AZIN2: variants seen among roughly 807,000 people sequenced by gnomAD.
AZIN2 encodes the protein antizyme inhibitor 2, also known as ODC antizyme inhibitor-2.
A neutral mutation model predicts 47.8 loss-of-function variants in AZIN2; 28 were observed. That is an observed-to-expected ratio of 0.59 (90% CI 0.43 to 0.80). The LOEUF is 0.80. AZIN2 is among the 30% of genes least tolerant of loss of function. AZIN2 has a pLI of 0.00. For missense variants in AZIN2, 535 were observed against 582.5 expected, an observed-to-expected ratio of 0.92 and a Z score of 0.84; for synonymous variants, 221 against 239.4, an observed-to-expected ratio of 0.92 and a Z score of 0.71.
chr1:33,140,771 C>G, the AZIN2 span, among the ~76,000 whole-genome samples: 1 of 152,206 alleles, frequency 6.6e-6, no homozygotes, highest in Non-Finnish European at 1.5e-5. The surrounding 1 kb of genome is among the most constrained non-coding windows in gnomAD (Gnocchi z 4.0). Flanking sequence ...TGAAGTGGCT[C>G]TGCCCTGGAG....
At chr1:33,157,827 G>C in the AZIN2 span, among the ~76,000 whole-genome samples, 1 of 151,840 alleles carries the variant, frequency 6.6e-6, no homozygotes, top group Admixed American at 6.6e-5. Flanking sequence ...CTCAGTCTCA[G>C]CTCACTGCAA....
intron 5 of AZIN2, 89 bp downstream of exon 5, chr1:33,084,216 G>C (rs1247727601): frequency 6.6e-6 from 10 of 1,515,962 alleles, no homozygotes; most frequent in Non-Finnish European, 9.0e-6. Context: ...TGGGGAGCAA[G>C]AGGTACCTGT....
At chr1:33,155,387 C>T in the AZIN2 span, among the ~76,000 whole-genome samples, 2 of 152,044 alleles carry the variant, frequency 1.3e-5, no homozygotes, top group Admixed American at 6.5e-5. Flanking sequence ...GACTCTTGAA[C>T]GTGCCTTGAG....
At position 33,120,049 on chromosome 1, in the gene AZIN2, CG is replaced by C; in HGVS notation, c.1251del (p.Leu418CysfsTer5). ...CACCCCTCTCTCACCCCTAGGGAAG[CG>C]CTGCGAAGGCAGCTGATGGCTGCAG... Reference protein sequence around the residue: ...TYAMSRVAWEALRRQLMAAEQ... With the variant: ...TYAMSRVAWEXLRRQLMAAEQ... On this transcript the variant is annotated frameshift_variant, in exon 12 of 12. Transcript: ENST00000294517. LOFTEE classifies it high-confidence loss of function. The C allele has an allele frequency of 6.2e-7, 1 of 1,613,842 alleles. No homozygotes were observed. The highest frequency in any genetic ancestry group is 8.5e-7 in the Non-Finnish European group (1 of 1,179,948).
intron 5 of AZIN2, among the ~76,000 whole-genome samples, chr1:33,088,880 A>T (rs891136367): frequency 1.3e-5 from 2 of 152,070 alleles, no homozygotes; most frequent in African/African-American, 2.4e-5. Flanking sequence ...CCAGCTCTTA[A>T]CCACTTGTAA....
rs1177785407 is a variant in AZIN2 at position 33,110,474 on chromosome 1, CA to C, written c.1030-7426del. 1.1e-4 allele frequency among the ~76,000 whole-genome samples: 17 copies of C among 152,070 alleles called. No individual in the cohort carries two copies. In the East Asian group the frequency reaches 3.1e-3, roughly 28 times the overall value. Reference sequence around the variant, plus strand: ...ATTATCAGGTGCTAACATTCTTTTACAATGTTTGAAGAAATAAGAAATTGAA... The same window carrying C: ...ATTATCAGGTGCTAACATTCTTTTACATGTTTGAAGAAATAAGAAATTGAA... On this transcript the variant is annotated intron_variant, in intron 10 of 11. Coordinates refer to ENST00000294517, the MANE Select transcript of AZIN2 (RefSeq NM_052998.4).
the AZIN2 span, among the ~76,000 whole-genome samples, chr1:33,131,246 C>T: frequency 6.6e-6 from 1 of 152,200 alleles, no homozygotes; most frequent in African/African-American, 2.4e-5. Flanking sequence ...GCCATTCTCT[C>T]CACAAATGTT....
the AZIN2 span, chr1:33,147,530 C>T: frequency 6.2e-7 from 1 of 1,613,918 alleles, no homozygotes; most frequent in Non-Finnish European, 8.5e-7. The surrounding 1 kb of genome is among the most constrained non-coding windows in gnomAD (Gnocchi z 8.1). Flanking sequence ...TGGGTCTTCT[C>T]CGCCACCACC....
At chr1:33,140,238 G>T in the AZIN2 span, among the ~76,000 whole-genome samples, 1 of 152,222 alleles carries the variant, frequency 6.6e-6, no homozygotes, top group African/African-American at 2.4e-5. The surrounding 1 kb of genome is among the most constrained non-coding windows in gnomAD (Gnocchi z 4.0). Flanking sequence ...AGCTGTCCAG[G>T]GTCATTGGTG....
the AZIN2 span, among the ~76,000 whole-genome samples, chr1:33,159,041 C>T: frequency 2.0e-5 from 3 of 152,012 alleles, no homozygotes; most frequent in East Asian, 5.8e-4. The surrounding 1 kb of genome is among the most constrained non-coding windows in gnomAD (Gnocchi z 4.2). Flanking sequence ...GACGGGGTTT[C>T]ACCATGTTAG....
Position 33,082,376 on chromosome 1 carries a change from T to TGGGTCCC in AZIN2, c.105+23_105+29dup, listed in dbSNP as rs778749798. The TGGGTCCC allele has an allele frequency of 2.9e-5, 46 of 1,590,556 alleles. No individual in the cohort carries two copies. In the South Asian group the frequency reaches 4.8e-4, roughly 17 times the overall value. On this transcript the variant is annotated intron_variant, in intron 4 of 11. Coordinates refer to ENST00000294517, the MANE Select transcript of AZIN2 (RefSeq NM_052998.4). ...CACGGTGAGGGGCTGGGAATGGGGG[T>TGGGTCCC]GGGTCCCCGGTCCCCTGTACAGATC... is the stretch of plus-strand genomic sequence containing the variant.
intron 10 of AZIN2, among the ~76,000 whole-genome samples, chr1:33,115,657 C>G (rs1022151356): frequency 6.6e-6 from 1 of 152,102 alleles, no homozygotes; most frequent in Non-Finnish European, 1.5e-5. Context: ...GGGCTGAGAT[C>G]ACACCACTAC....
the AZIN2 span, among the ~76,000 whole-genome samples, chr1:33,131,342 G>T: frequency 3.3e-5 from 5 of 152,346 alleles, no homozygotes; most frequent in East Asian, 9.6e-4. Context: ...TAACTTGGTT[G>T]CAGAGAAACA....
Position 33,113,477 on chromosome 1 carries a change from T to A in AZIN2, c.1030-4425T>A, listed in dbSNP as rs151151426. 9.3e-3 allele frequency among the ~76,000 whole-genome samples: 1,413 copies of A among 152,296 alleles called. 17 individuals carry two copies. The highest frequency in any genetic ancestry group is 0.032 in the African/African-American group (1,329 of 41,544). ...CCTTAAGATTTTCCAGGTGGGCAAA[T>A]ACGTTATCTGCAGTGTAATATTTTA... is the stretch of plus-strand genomic sequence containing the variant. On this transcript the variant is annotated intron_variant, in intron 10 of 11. Coordinates refer to ENST00000294517, the MANE Select transcript of AZIN2 (RefSeq NM_052998.4). This position sits in a 1 kb window ranked among gnomAD's most constrained non-coding sequence, Gnocchi z 4.1.
chr1:33,129,830 G>C, the AZIN2 span, among the ~76,000 whole-genome samples: 2 of 152,156 alleles, frequency 1.3e-5, no homozygotes, highest in Admixed American at 1.3e-4. The surrounding 1 kb of genome is among the most constrained non-coding windows in gnomAD (Gnocchi z 4.1). Context: ...ATTTCTGAGC[G>C]GGGGAGAGAG....
intron 5 of AZIN2, among the ~76,000 whole-genome samples, chr1:33,085,835 T>G (rs1641829303): frequency 6.6e-6 from 1 of 152,222 alleles, no homozygotes. Flanking sequence ...ACTGCCGTTC[T>G]ACAGTTGAGG....
chr1:33,148,946 C>T, the AZIN2 span, among the ~76,000 whole-genome samples: 1 of 152,180 alleles, frequency 6.6e-6, no homozygotes, highest in Non-Finnish European at 1.5e-5. Context: ...TAGCGCCAGT[C>T]CTTTCTCCCA....
chr1:33,131,424 T>C, the AZIN2 span, among the ~76,000 whole-genome samples: 1 of 152,208 alleles, frequency 6.6e-6, no homozygotes, highest in Non-Finnish European at 1.5e-5. Flanking sequence ...CTGTCTGTTA[T>C]GTTAGCCACC....
At chr1:33,088,031 T>C (rs1334721625) in intron 5 of AZIN2, among the ~76,000 whole-genome samples, 3 of 152,186 alleles carry the variant, frequency 2.0e-5, no homozygotes, top group Non-Finnish European at 4.4e-5. Context: ...TGCCACTCTC[T>C]AAATGGTAGC....
Sources: gnomAD v4.1 joint callset for allele counts (sites outside exome capture counted in the v4.1 genomes callset) on GRCh38, gnomAD v4.1.1 for gene constraint, Gnocchi (gnomAD v3.1) non-coding constraint, MANE v1.5 for transcripts, NCBI Gene and HGNC (gene_info 2026-07-23, HGNC 2026-07-21) for gene names.